AKAP8: variants seen among roughly 807,000 people sequenced by gnomAD.
AKAP8 encodes the protein A-kinase anchoring protein 8.
In AKAP8, 24 loss-of-function variants were observed where a neutral mutation model predicts 67.5. The ratio of observed to expected loss-of-function variants is 0.36; its 90% CI spans 0.26 to 0.50. The LOEUF (loss-of-function observed/expected upper bound fraction) is 0.50. AKAP8 is among the 20% of genes least tolerant of loss of function. The probability of loss-of-function intolerance (pLI) is 0.97; values close to 1 mark genes in which losing one functional copy is unlikely to be tolerated. For missense variants in AKAP8, 971 were observed against 955.9 expected, an observed-to-expected ratio of 1.02 and a Z score of -0.21; for synonymous variants, 400 against 371.1, an observed-to-expected ratio of 1.08 and a Z score of -0.90.
chr19:15,360,130 C>T (rs894745613), intron 12 of AKAP8, among the ~76,000 whole-genome samples: 3 of 150,796 alleles, frequency 2.0e-5, no homozygotes, highest in African/African-American at 4.9e-5. Context: ...AGTGAAACTC[C>T]GTAAAAAAAA....
rs1481319848 is a variant in AKAP8 at position 15,354,979 on chromosome 19, G to A, written c.2015C>T (p.Ala672Val). 1 of 1,614,150 alleles carries A rather than the reference G, an allele frequency of 6.2e-7. No homozygotes were observed. Among genetic ancestry groups the A allele is most frequent in the Non-Finnish European group, 8.5e-7 (1 of 1,180,044 alleles). Reference protein sequence around the residue: ...SAQTRVAPAPAAADAEVEQTD... With the variant: ...SAQTRVAPAPVAADAEVEQTD... ...TTGTTCCACTTCAGCATCCGCGGCA[G>A]CTGGGGCAGGAGCAACTCTGGTTTG... The change falls in exon 14 of 14, where the codon GCT becomes GTT. Residue 672 changes from alanine (A) to valine (V), a missense_variant. Physicochemically the swap from Ala to Val is moderately conservative, Grantham distance 64. Around this residue, in one of 3 missense-constraint regions of AKAP8, gnomAD observed 204 missense variants for 193.0 expected, o/e 1.06. Transcript: ENST00000269701.
At chr19:15,368,568 G>A (rs1967105942) in intron 8 of AKAP8, 2 of 985,140 alleles carry the variant, frequency 2.0e-6, no homozygotes, top group African/African-American at 1.7e-5. Context: ...ATGGGCTAGG[G>A]ACACAGCCTG....
Position 15,370,161 on chromosome 19 carries a change from A to G in AKAP8, c.1057T>C (p.Ser353Pro), listed in dbSNP as rs749344859. The change falls in exon 8 of 14, where the codon TCT becomes CCT. Residue 353 changes from serine (S) to proline (P), a missense_variant. Physicochemically the swap from Ser to Pro is moderately conservative, Grantham distance 74. This residue lies in a region of AKAP8 where 763 missense variants were observed against 745.4 expected (regional missense o/e 1.02). Coordinates refer to ENST00000269701, the MANE Select transcript of AKAP8 (RefSeq NM_005858.4). ...TGATGCCTACCTCTTTGCCTCCCAG[A>G]GTCGCAGAGTTCATCCTCCTGGAAA... ...EFKGEDELCD[S>P]GRQRGEKEDE... 6.2e-7 allele frequency: 1 copy of G among 1,614,156 alleles called. No individual in the cohort carries two copies. Among genetic ancestry groups the G allele is most frequent in the East Asian group, 2.2e-5 (1 of 44,878 alleles).
intron 11 of AKAP8, 98 bp from the exon 12 acceptor site, chr19:15,361,076 G>GATT (rs1966957312): frequency 2.1e-6 from 3 of 1,460,064 alleles, no homozygotes; most frequent in East Asian, 4.8e-5. Flanking sequence ...CAACTCTAAG[G>GATT]AATCAGAAGG....
intron 9 of AKAP8, 64 bp downstream of exon 9, chr19:15,368,171 G>A (rs1167422489): frequency 1.3e-6 from 2 of 1,591,130 alleles, no homozygotes; most frequent in East Asian, 2.2e-5. Flanking sequence ...GGACAGGTGA[G>A]CTCGGCAGCG....
intron 2 of AKAP8, among the ~76,000 whole-genome samples, chr19:15,375,076 G>A (rs774541362): frequency 9.2e-5 from 14 of 152,204 alleles, no homozygotes; most frequent in Non-Finnish European, 1.5e-4. Context: ...TATGTGCCAC[G>A]AGCGACTTGG....
chr19:15,361,842 G>T lies in AKAP8; in HGVS notation c.1303-20C>A, dbSNP rs769620923. On this transcript the variant is annotated intron_variant, in intron 10 of 13. Coordinates refer to ENST00000269701, the MANE Select transcript of AKAP8 (RefSeq NM_005858.4). The stretch of plus-strand genomic sequence containing the variant: ...GTATTCCTAGGTGGGATTGGAGAGG[G>T]CATAAAGTAAAATGAGAGGTGGGCG... The T allele has an allele frequency of 4.4e-5, 71 of 1,600,096 alleles. No individual in the cohort carries two copies. The highest frequency in any genetic ancestry group is 5.1e-5 in the Non-Finnish European group (60 of 1,167,712).
rs751914793 is a variant in AKAP8, at chr19:15,354,726, C to G, written c.*189G>C. On this transcript the variant is annotated 3_prime_UTR_variant, in exon 14 of 14. Transcript: ENST00000269701. Reference sequence around the variant, plus strand: ...ATGTACTTCAGCTTTGAAACCTGGGCAAGAAGCCACACGACTGCATGAGAC... The same window carrying G: ...ATGTACTTCAGCTTTGAAACCTGGGGAAGAAGCCACACGACTGCATGAGAC... 7 of 642,498 alleles carry G rather than the reference C, an allele frequency of 1.1e-5. No homozygotes were observed. The highest frequency in any genetic ancestry group is 1.9e-5 in the Non-Finnish European group (7 of 377,012). The allele number at this position is 642,498 out of a possible 1,614,324, so 39.8% of individuals were successfully genotyped here.
Position 15,354,399 on chromosome 19 carries a change from CAT to C in AKAP8, c.*514_*515del, listed in dbSNP as rs2048263422. The stretch of plus-strand genomic sequence containing the variant: ...CGTGGATGTGACGCGGTCAGTGCCA[CAT>C]GTGAACCAGGTGCTGCGAAGTCCTG... On this transcript the variant is annotated 3_prime_UTR_variant, in exon 14 of 14. Transcript: ENST00000269701. The C allele has an allele frequency of 6.2e-6, 1 of 160,292 alleles. No homozygotes were observed. The highest frequency in any genetic ancestry group is 1.8e-4 in the East Asian group (1 of 5,664). 9.9% of individuals were successfully genotyped at this position (160,292 alleles called of 1,614,324 possible).
rs770077752 is a variant in AKAP8 at position 15,372,366 on chromosome 19, C to A, written c.862-19G>T. ...TCTTGGGCTACAGACAACAAGCACA[C>A]CCCATGAGCTACTTACGAGGGCCAT... is the stretch of plus-strand genomic sequence containing the variant. On this transcript the variant is annotated intron_variant, in intron 5 of 13. Transcript: ENST00000269701. 7 of 1,612,616 alleles carry A rather than the reference C, an allele frequency of 4.3e-6. No individual in the cohort carries two copies. The highest frequency in any genetic ancestry group is 5.1e-6 in the Non-Finnish European group (6 of 1,178,850).
chr19:15,369,210 G>C lies in AKAP8; in HGVS notation c.1073-888C>G. On this transcript the variant is annotated intron_variant, in intron 8 of 13. Coordinates refer to ENST00000269701, the MANE Select transcript of AKAP8 (RefSeq NM_005858.4). The surrounding 1 kb of genome is among the most constrained non-coding windows in gnomAD (Gnocchi z 4.6). ...GCTGTTTAATAGCAAAGTCATCCCGGGTAGGTAGCAGGACCTGCGCGCAAC... is the reference window on the plus strand; with the variant it reads ...GCTGTTTAATAGCAAAGTCATCCCGCGTAGGTAGCAGGACCTGCGCGCAAC... 1.0e-6 allele frequency: 1 copy of C among 985,532 alleles called. No homozygotes were observed. The highest frequency in any genetic ancestry group is 1.2e-6 in the Non-Finnish European group (1 of 829,986). 61.0% of individuals were successfully genotyped at this position (985,532 alleles called of 1,614,324 possible).
rs538723200 is a variant in AKAP8 at position 15,378,586 on chromosome 19, CG to C, written c.19+1126del. Among the ~76,000 whole-genome samples, 66 of 152,300 alleles carry C rather than the reference CG, an allele frequency of 4.3e-4. 1 individual carries two copies. The highest frequency in any genetic ancestry group is 1.5e-3 in the African/African-American group (63 of 41,566). ...GCCAGGCTGAGCCTTCGCTAGGACC[CG>C]GAAGACACCAAAGCACACCGCGCAC... On this transcript the variant is annotated intron_variant, in intron 1 of 13. Coordinates refer to ENST00000269701, the MANE Select transcript of AKAP8 (RefSeq NM_005858.4).
intron 9 of AKAP8, among the ~76,000 whole-genome samples, chr19:15,365,331 T>C (rs1033739400): frequency 7.9e-5 from 12 of 152,230 alleles, no homozygotes; most frequent in African/African-American, 2.9e-4. Context: ...CATCAAATTC[T>C]ACAGATAAAA....
Position 15,360,937 on chromosome 19 carries a change from G to C in AKAP8, c.1438C>G (p.His480Asp), listed in dbSNP as rs1340390312. The change falls in exon 12 of 14, where the codon CAC becomes GAC. Residue 480 changes from histidine (H) to aspartate (D), a missense_variant. By Grantham distance (81) the His-to-Asp change is moderately conservative. Coordinates refer to ENST00000269701, the MANE Select transcript of AKAP8 (RefSeq NM_005858.4). ...ATTAGCATGTCGCAGGCCAGGCAGT[G>C]AGCAGCCTCGATCTTCTTGAAGAAG... ...EHFFKKIEAA[H>D]CLACDMLIPA... The C allele has an allele frequency of 6.2e-7, 1 of 1,613,602 alleles. No homozygotes were observed. Among genetic ancestry groups the C allele is most frequent in the Admixed American group, 1.7e-5 (1 of 59,990 alleles).
At chr19:15,356,298 G>A (rs923383768) in intron 13 of AKAP8, among the ~76,000 whole-genome samples, 5 of 151,938 alleles carry the variant, frequency 3.3e-5, no homozygotes, top group African/African-American at 7.2e-5. Flanking sequence ...CCAGCTACTC[G>A]GGAGGCTGAG....
At chr19:15,363,386 CCCCGTCCGGGAAGTGAGGGGCGCCTCTG>C (rs1183052446) in intron 9 of AKAP8, among the ~76,000 whole-genome samples, 1 of 147,442 alleles carries the variant, frequency 6.8e-6, no homozygotes, top group African/African-American at 2.5e-5. Context: ...CGGCCAGCCG[CCCCGTCCGGGAAGTGAGGGGCGCCTCTG>C]CCCGGCCGCC....
At position 15,368,910 on chromosome 19, in the gene AKAP8, T is replaced by C. The variant is rs529693432; in HGVS notation, c.1073-588A>G. The C allele has an allele frequency of 3.0e-6, 3 of 985,120 alleles. No individual in the cohort carries two copies. The East Asian group carries it at 3.4e-4, about 112-fold the overall frequency. The allele number at this position is 985,120 out of a possible 1,614,324, so 61.0% of individuals were successfully genotyped here. Reference sequence around the variant, plus strand: ...CCCAGGGCTGCGTGGGAAGCAATCCTAGAAAAAAATTTGGGAAGAGACCAA... The same window carrying C: ...CCCAGGGCTGCGTGGGAAGCAATCCCAGAAAAAAATTTGGGAAGAGACCAA... On this transcript the variant is annotated intron_variant, in intron 8 of 13. Transcript: ENST00000269701.
chr19:15,358,855 G>T, intron 13 of AKAP8, 112 bp downstream of exon 13: 1 of 985,110 alleles, frequency 1.0e-6, no homozygotes, highest in Non-Finnish European at 1.6e-6. Flanking sequence ...TCCCTCAACT[G>T]TCAAAAGACT....
Position 15,373,081 on chromosome 19 carries a change from C to A in AKAP8, c.631G>T (p.Val211Leu). 1 of 1,610,968 alleles carries A rather than the reference C, an allele frequency of 6.2e-7. No homozygotes were observed. The highest frequency in any genetic ancestry group is 8.5e-7 in the Non-Finnish European group (1 of 1,179,028). ...GGCTCAGAGGACGCAGCGGGGGGCA[C>A]GAAGGGGTCGCTGCGCATGAAGGTG... is the stretch of plus-strand genomic sequence containing the variant. Reference protein sequence around the residue: ...PGTFMRSDPFVPPAASSEPLS... With the variant: ...PGTFMRSDPFLPPAASSEPLS... The change falls in exon 5 of 14, where the codon GTG becomes TTG. Residue 211 changes from valine (V) to leucine (L), a missense_variant. By Grantham distance (32) the Val-to-Leu change is conservative (BLOSUM62 1). Transcript: ENST00000269701.
Sources: gnomAD v4.1 joint callset for allele counts (sites outside exome capture counted in the v4.1 genomes callset) on GRCh38, gnomAD v4.1.1 for gene constraint, gnomAD v4.1.1 regional missense constraint, Gnocchi (gnomAD v3.1) non-coding constraint, MANE v1.5 for transcripts, NCBI Gene and HGNC (gene_info 2026-07-23, HGNC 2026-07-21) for gene names.